The following MARCHF4 variants were observed in gnomAD, a reference collection of about 807,000 sequenced individuals.
MARCHF4 encodes E3 ubiquitin-protein ligase MARCHF4.
In MARCHF4, 14 loss-of-function variants were observed where a neutral mutation model predicts 43.9. That is an observed-to-expected ratio of 0.32 (90% CI 0.21 to 0.50). The LOEUF (loss-of-function observed/expected upper bound fraction) is 0.50. MARCHF4 is among the 20% of genes least tolerant of loss of function. The probability of loss-of-function intolerance (pLI) is 0.98; values close to 1 mark genes in which losing one functional copy is unlikely to be tolerated. For missense variants in MARCHF4, 468 were observed against 536.7 expected (o/e 0.87, Z 1.27); for synonymous variants, 226 against 213.3 (o/e 1.06, Z -0.52).
chr2:216,274,875 T>C (rs1407641612), intron 3 of MARCHF4, among the ~76,000 whole-genome samples: 3 of 142,058 alleles, frequency 2.1e-5, no homozygotes, highest in Non-Finnish European at 4.7e-5. Context: ...TAGGTTCTTA[T>C]TATAATCAAT....
At chr2:216,361,692 CAG>C (rs2105984794) in intron 1 of MARCHF4, among the ~76,000 whole-genome samples, 1 of 152,296 alleles carries the variant, frequency 6.6e-6, no homozygotes, top group South Asian at 2.1e-4. Flanking sequence ...ATGTGCTAAA[CAG>C]AGGCTGGTCC....
At chr2:216,307,373 A>C (rs1691605029) in intron 1 of MARCHF4, among the ~76,000 whole-genome samples, 1 of 152,118 alleles carries the variant, frequency 6.6e-6, no homozygotes, top group Non-Finnish European at 1.5e-5. Flanking sequence ...AAGGAAAGGA[A>C]ATGGAGGAAT....
At chr2:216,310,459 C>T (rs1429554237) in intron 1 of MARCHF4, among the ~76,000 whole-genome samples, 2 of 152,010 alleles carry the variant, frequency 1.3e-5, no homozygotes, top group Non-Finnish European at 2.9e-5. Context: ...AGACATTCTC[C>T]TTATGTTGCC....
chr2:216,262,290 G>A (rs1379265625), intron 3 of MARCHF4, among the ~76,000 whole-genome samples: 1 of 152,166 alleles, frequency 6.6e-6, no homozygotes, highest in Non-Finnish European at 1.5e-5. Flanking sequence ...CTAGTTACTG[G>A]TTGTGTGATT....
chr2:216,260,731 G>C (rs1216931556), intron 3 of MARCHF4, among the ~76,000 whole-genome samples: 1 of 152,196 alleles, frequency 6.6e-6, no homozygotes, highest in African/African-American at 2.4e-5. Flanking sequence ...TGAGTATAAT[G>C]GGAAGCTATT....
intron 3 of MARCHF4, among the ~76,000 whole-genome samples, chr2:216,267,459 G>C (rs1465763067): frequency 6.6e-6 from 1 of 152,208 alleles, no homozygotes; most frequent in African/African-American, 2.4e-5. Context: ...AGCAGCCCAA[G>C]GGGCCTGTGG....
chr2:216,292,110 C>A (rs991290940), intron 1 of MARCHF4, among the ~76,000 whole-genome samples: 1 of 152,186 alleles, frequency 6.6e-6, no homozygotes, highest in African/African-American at 2.4e-5. Context: ...TCCTCTAAAC[C>A]AGTTCCTGGT....
At chr2:216,284,500 C>G (rs1008764155) in intron 1 of MARCHF4, among the ~76,000 whole-genome samples, 3 of 152,334 alleles carry the variant, frequency 2.0e-5, no homozygotes, top group Admixed American at 2.0e-4. Flanking sequence ...GGATCTCACT[C>G]TGCTGCCCAG....
intron 1 of MARCHF4, among the ~76,000 whole-genome samples, chr2:216,364,138 A>G (rs1322066192): frequency 6.6e-6 from 1 of 152,170 alleles, no homozygotes; most frequent in Non-Finnish European, 1.5e-5. Context: ...AAATTCTATC[A>G]CTATCGAAGG....
chr2:216,320,834 C>CTT (rs1181410298), intron 1 of MARCHF4, among the ~76,000 whole-genome samples: 209 of 116,826 alleles, frequency 1.8e-3, no homozygotes, highest in African/African-American at 5.2e-3. Context: ...CCATGCCTGG[C>CTT]TTTTTTTTTT....
At position 216,273,417 on chromosome 2, in the gene MARCHF4, T is replaced by C. The variant is rs189017962; in HGVS notation, c.865+4255A>G. On this transcript the variant is annotated intron_variant, in intron 3 of 3. Coordinates refer to ENST00000273067, the MANE Select transcript of MARCHF4 (RefSeq NM_020814.3). The stretch of plus-strand genomic sequence containing the variant: ...AGCCAACACAGGGCTAGACTCATTT[T>C]CTTTTCTCCTGATGATAACATTTTT... Among the ~76,000 whole-genome samples, 4 of 152,374 alleles carry C rather than the reference T, an allele frequency of 2.6e-5. 1 individual carries two copies. The highest frequency in any genetic ancestry group is 9.6e-5 in the African/African-American group (4 of 41,586).
At chr2:216,367,420 C>T (rs1313129979) in intron 1 of MARCHF4, among the ~76,000 whole-genome samples, 3 of 149,498 alleles carry the variant, frequency 2.0e-5, no homozygotes, top group Non-Finnish European at 4.4e-5. Flanking sequence ...CTTATCTCCC[C>T]TCCTTTGTCT....
intron 1 of MARCHF4, among the ~76,000 whole-genome samples, chr2:216,313,085 T>C (rs890592623): frequency 1.3e-5 from 2 of 152,168 alleles, no homozygotes; most frequent in African/African-American, 4.8e-5. Flanking sequence ...TCCAGTTTCA[T>C]TCTTCTGCAC....
At chr2:216,366,946 G>A (rs1023238567) in intron 1 of MARCHF4, among the ~76,000 whole-genome samples, 7 of 152,274 alleles carry the variant, frequency 4.6e-5, no homozygotes, top group African/African-American at 1.7e-4. Context: ...TTAAATAAAC[G>A]CATGCACCAA....
At chr2:216,270,473 C>T (rs898080087) in intron 3 of MARCHF4, among the ~76,000 whole-genome samples, 5 of 152,128 alleles carry the variant, frequency 3.3e-5, no homozygotes, top group Admixed American at 6.5e-5. Context: ...TCTTCCTCTA[C>T]GTCACAGGAG....
intron 1 of MARCHF4, among the ~76,000 whole-genome samples, chr2:216,337,706 T>G (rs1692179209): frequency 1.3e-5 from 2 of 152,216 alleles, no homozygotes; most frequent in Admixed American, 6.5e-5. Flanking sequence ...CCTTCACATC[T>G]CTTTCGTGGT....
At chr2:216,335,683 G>C (rs1234542874) in intron 1 of MARCHF4, among the ~76,000 whole-genome samples, 3 of 152,118 alleles carry the variant, frequency 2.0e-5, no homozygotes, top group African/African-American at 7.2e-5. Context: ...CAGAAATCTA[G>C]GAGAGATTAC....
chr2:216,301,354 G>A (rs774177750), intron 1 of MARCHF4, among the ~76,000 whole-genome samples: 5 of 152,186 alleles, frequency 3.3e-5, no homozygotes, highest in African/African-American at 9.7e-5. Flanking sequence ...ACTGGAGCAC[G>A]GAGCCTGTGA....
intron 1 of MARCHF4, among the ~76,000 whole-genome samples, chr2:216,297,749 C>A (rs151183730): frequency 1.3e-5 from 2 of 152,278 alleles, no homozygotes; most frequent in East Asian, 3.9e-4. Context: ...CTCCCCACCT[C>A]AGGTGATCCA....
Sources: allele counts gnomAD v4.1 joint callset (sites outside exome capture counted in the v4.1 genomes callset), GRCh38; gene constraint gnomAD v4.1.1; transcripts MANE v1.5; gene names NCBI Gene and HGNC (gene_info 2026-07-23, HGNC 2026-07-21).